FER: variants seen among roughly 807,000 people sequenced by gnomAD.
FER encodes tyrosine-protein kinase Fer.
A neutral mutation model predicts 111.0 loss-of-function variants in FER; 63 were observed. That is an observed-to-expected ratio of 0.57 (90% CI 0.46 to 0.70). The LOEUF (loss-of-function observed/expected upper bound fraction) is 0.70. Ranked by LOEUF, FER falls within the 30% of genes least tolerant of loss-of-function variation. The probability of loss-of-function intolerance (pLI) is 0.00; values close to 1 mark genes in which losing one functional copy is unlikely to be tolerated. For synonymous variants in FER, 327 were observed against 313.9 expected (o/e 1.04, Z -0.44); for missense variants, 914 against 954.0 (o/e 0.96, Z 0.55).
At chr5:108,898,948 C>A (rs1749594927) in intron 10 of FER, among the ~76,000 whole-genome samples, 1 of 152,010 alleles carries the variant, frequency 6.6e-6, no homozygotes, top group African/African-American at 2.4e-5. Context: ...TTAAAAAAGT[C>A]TGAGCTACAT....
chr5:108,825,461 G>A (rs1759364538), intron 3 of FER, among the ~76,000 whole-genome samples: 1 of 152,202 alleles, frequency 6.6e-6, no homozygotes, highest in East Asian at 1.9e-4. Flanking sequence ...GGCGGTCAGA[G>A]TTTAAGGTTA....
chr5:108,896,624 A>G (rs1285675814), intron 9 of FER, among the ~76,000 whole-genome samples: 1 of 152,186 alleles, frequency 6.6e-6, no homozygotes, highest in African/African-American at 2.4e-5. Context: ...TCTTTATAGC[A>G]GTCACTGAGG....
intron 11 of FER, among the ~76,000 whole-genome samples, chr5:108,946,576 T>C (rs1757015889): frequency 6.6e-6 from 1 of 152,084 alleles, no homozygotes; most frequent in Non-Finnish European, 1.5e-5. Flanking sequence ...AAACATAACC[T>C]TTTTACAGTA....
intron 10 of FER, among the ~76,000 whole-genome samples, chr5:108,899,802 CAA>C (rs759045022): frequency 1.9e-4 from 17 of 90,044 alleles, no homozygotes; most frequent in Non-Finnish European, 2.4e-4. Flanking sequence ...GACTCCATCT[CAA>C]AAAAAAAAAA....
intron 16 of FER, among the ~76,000 whole-genome samples, chr5:109,090,550 G>A (rs1463158777): frequency 6.6e-6 from 1 of 152,000 alleles, no homozygotes; most frequent in Admixed American, 6.6e-5. Context: ...TCAATATAAA[G>A]TTCAGTGCTT....
intron 10 of FER, among the ~76,000 whole-genome samples, chr5:108,917,123 G>A (rs546632214): frequency 2.0e-5 from 3 of 152,068 alleles, no homozygotes; most frequent in Non-Finnish European, 1.5e-5. Flanking sequence ...CTATTCCAGA[G>A]AACTATGATA....
intron 17 of FER, among the ~76,000 whole-genome samples, chr5:109,139,241 A>G (rs753164773): frequency 2.6e-5 from 4 of 152,026 alleles, no homozygotes; most frequent in Non-Finnish European, 5.9e-5. Flanking sequence ...CTTGTCTTCC[A>G]CAGACTCCTT....
chr5:108,931,592 G>A (rs537896641), intron 10 of FER, among the ~76,000 whole-genome samples: 1 of 152,208 alleles, frequency 6.6e-6, no homozygotes, highest in Admixed American at 6.5e-5. Flanking sequence ...TTGAGATGTG[G>A]TATTAAAAAT....
chr5:109,164,026 A>G (rs1756278630), intron 17 of FER, among the ~76,000 whole-genome samples: 1 of 152,204 alleles, frequency 6.6e-6, no homozygotes, highest in South Asian at 2.1e-4. Context: ...TCAGTCACCC[A>G]AATACCTAAG....
At chr5:108,911,880 C>G (rs1306821138) in intron 10 of FER, among the ~76,000 whole-genome samples, 2 of 152,030 alleles carry the variant, frequency 1.3e-5, no homozygotes, top group African/African-American at 4.8e-5. Context: ...GGCTGTGTCC[C>G]CACCCAAATC....
intron 3 of FER, among the ~76,000 whole-genome samples, chr5:108,809,931 G>C (rs1195050389): frequency 6.6e-6 from 1 of 152,076 alleles, no homozygotes; most frequent in Non-Finnish European, 1.5e-5. Context: ...CTGGAGAGCT[G>C]GTATGATCCT....
chr5:108,819,941 T>G (rs1325032797), intron 3 of FER: 1 of 985,164 alleles, frequency 1.0e-6, no homozygotes, highest in Non-Finnish European at 1.2e-6. Context: ...GAGGACTTTG[T>G]TTTTTAAAAA....
intron 17 of FER, among the ~76,000 whole-genome samples, chr5:109,154,081 A>C (rs989570346): frequency 2.6e-5 from 4 of 151,654 alleles, no homozygotes; most frequent in African/African-American, 7.3e-5. Context: ...CTTACGCAAA[A>C]AAAAAACCCA....
intron 13 of FER, among the ~76,000 whole-genome samples, chr5:109,010,252 G>A (rs1269563452): frequency 6.6e-6 from 1 of 152,062 alleles, no homozygotes; most frequent in Non-Finnish European, 1.5e-5. Context: ...CCGCCTCCTG[G>A]GTTAATGCCA....
chr5:108,844,485 T>G (rs1257463324), intron 5 of FER, among the ~76,000 whole-genome samples: 2 of 152,198 alleles, frequency 1.3e-5, no homozygotes, highest in Non-Finnish European at 2.9e-5. Context: ...AACAGGTTCA[T>G]TTTGATACAG....
At chr5:109,157,534 C>T (rs144076878) in intron 17 of FER, among the ~76,000 whole-genome samples, 102 of 151,294 alleles carry the variant, frequency 6.7e-4, no homozygotes, top group Middle Eastern at 3.4e-3. Context: ...TTTCTGATAT[C>T]GAGCATTTCA....
At chr5:109,037,291 T>G in intron 13 of FER, 131 bp from the exon 14 acceptor site, 1 of 668,328 alleles carries the variant, frequency 1.5e-6, no homozygotes, top group Non-Finnish European at 2.6e-6. Flanking sequence ...GGGTTATAAC[T>G]TCTCAGTGTG....
At chr5:109,174,755 TATTTA>T (rs1163594802) in intron 17 of FER, among the ~76,000 whole-genome samples, 2 of 152,206 alleles carry the variant, frequency 1.3e-5, no homozygotes, top group Non-Finnish European at 2.9e-5. Context: ...TTTTGGCTCT[TATTTA>T]AAGTTCAAAA....
intron 13 of FER, among the ~76,000 whole-genome samples, chr5:109,001,872 C>G (rs919717275): frequency 2.6e-5 from 4 of 152,118 alleles, no homozygotes; most frequent in African/African-American, 9.7e-5. Context: ...CATGAGTGAA[C>G]TCCCATTCAC....
Sources: allele counts gnomAD v4.1 joint callset (sites outside exome capture counted in the v4.1 genomes callset), GRCh38; gene constraint gnomAD v4.1.1; transcripts MANE v1.5; gene names NCBI Gene and HGNC (gene_info 2026-07-23, HGNC 2026-07-21).